MSL1: variants seen among roughly 807,000 people sequenced by gnomAD.
MSL1 encodes male-specific lethal 1 homolog.
In MSL1, 21 loss-of-function variants were observed where a neutral mutation model predicts 64.6. That is an observed-to-expected ratio of 0.33 (90% CI 0.23 to 0.47). The LOEUF is 0.47. Ranked by LOEUF, MSL1 falls within the 20% of genes least tolerant of loss-of-function variation. The pLI, the probability that MSL1 is intolerant of heterozygous loss-of-function variation, is 1.00. For missense variants in MSL1, 664 were observed against 793.2 expected, an observed-to-expected ratio of 0.84 and a Z score of 1.96; for synonymous variants, 339 against 329.6, an observed-to-expected ratio of 1.03 and a Z score of -0.31.
rs770079269 is a variant in MSL1, at chr17:40,123,385, G to C, written c.768+5G>C. On this transcript the variant is annotated splice_donor_5th_base_variant and intron_variant, in intron 1 of 8. Coordinates refer to ENST00000398532, the MANE Select transcript of MSL1 (RefSeq NM_001365919.1). ...CTGAAGTCAGAGAGAGACACGGTAC[G>C]GGAGGGGTTAATCTGCATTCGGGCC... is the stretch of plus-strand genomic sequence containing the variant. The C allele has an allele frequency of 8.5e-6, 13 of 1,535,670 alleles. No individual in the cohort carries two copies. The highest frequency in any genetic ancestry group is 4.9e-5 in the East Asian group (2 of 40,932).
intron 3 of MSL1, 47 bp downstream of exon 3, chr17:40,129,674 A>C: frequency 6.7e-7 from 1 of 1,484,060 alleles, no homozygotes; most frequent in South Asian, 1.4e-5. Flanking sequence ...GGTGGCGGTC[A>C]AGCTAACAAG....
chr17:40,131,657 C>T lies in MSL1; in HGVS notation c.1423+73C>T. ...TGGGATGGTGGATGGTTGGGAGCTG[C>T]ATTCCCCATCCACTGGATGTGGGAG... On this transcript the variant is annotated intron_variant, in intron 4 of 8. Transcript: ENST00000398532. This position sits in a 1 kb window ranked among gnomAD's most constrained non-coding sequence, Gnocchi z 4.5. 7.7e-7 allele frequency: 1 copy of T among 1,302,208 alleles called. No homozygotes were observed. The highest frequency in any genetic ancestry group is 1.1e-6 in the Non-Finnish European group (1 of 896,056). The allele number at this position is 1,302,208 out of a possible 1,614,324, so 80.7% of individuals were successfully genotyped here.
chr17:40,129,387 C>T lies in MSL1; in HGVS notation c.1135C>T (p.Arg379Cys). 1 of 1,613,738 alleles carries T rather than the reference C, an allele frequency of 6.2e-7. No homozygotes were observed. Among genetic ancestry groups the T allele is most frequent in the South Asian group, 1.1e-5 (1 of 91,056 alleles). Reference sequence around the variant, plus strand: ...TTCCTTATCTGAAACTGTTTGTAAACGTGAATTGAGGAGCCAAGAAACCCC... The same window carrying T: ...TTCCTTATCTGAAACTGTTTGTAAATGTGAATTGAGGAGCCAAGAAACCCC... Reference protein sequence around the residue: ...CGSLSETVCKRELRSQETPEK... With the variant: ...CGSLSETVCKCELRSQETPEK... The change falls in exon 3 of 9, where the codon CGT becomes TGT. Residue 379 changes from arginine to cysteine, a missense_variant. Physicochemically the swap from Arg to Cys is radical, Grantham distance 180. Transcript: ENST00000398532.
At chr17:40,127,243 T>G (rs1988338834) in intron 2 of MSL1, among the ~76,000 whole-genome samples, 1 of 151,152 alleles carries the variant, frequency 6.6e-6, no homozygotes, top group Non-Finnish European at 1.5e-5. Context: ...GGTATGCACC[T>G]GTAGTCCCAG....
chr17:40,128,445 G>C (rs1988370866), intron 2 of MSL1, among the ~76,000 whole-genome samples: 1 of 144,362 alleles, frequency 6.9e-6, no homozygotes, highest in Non-Finnish European at 1.5e-5. Context: ...CGTGATCTCA[G>C]CTCACTGCAA....
Position 40,122,635 on chromosome 17 carries a change from T to G in MSL1, c.23T>G (p.Phe8Cys). The change falls in exon 1 of 9, where the codon TTC (phenylalanine) becomes TGC (cysteine). Residue 8 changes from phenylalanine (F) to cysteine (C), a missense_variant. Physicochemically the swap from Phe to Cys is radical, Grantham distance 205 (BLOSUM62 -2). Coordinates refer to ENST00000398532, the MANE Select transcript of MSL1 (RefSeq NM_001365919.1). The surrounding 1 kb of genome is among the most constrained non-coding windows in gnomAD (Gnocchi z 4.2). MTMRSAVFKAAAAPAGGN... is the reference protein window; with the variant it reads MTMRSAVCKAAAAPAGGN... ...ACTATGACCATGAGATCCGCGGTGT[T>G]CAAGGCGGCCGCGGCCCCTGCCGGC... The G allele has an allele frequency of 6.7e-7, 1 of 1,488,938 alleles. No individual in the cohort carries two copies. The highest frequency in any genetic ancestry group is 2.9e-5 in the East Asian group (1 of 34,546). The allele number at this position is 1,488,938 out of a possible 1,614,324, so 92.2% of individuals were successfully genotyped here. A position where few individuals can be genotyped will look rare whatever the true frequency, so the allele number is the denominator to read the frequency against.
chr17:40,131,409 C>G lies in MSL1; in HGVS notation c.1376-128C>G. 2.6e-6 allele frequency: 2 copies of G among 766,448 alleles called. No homozygotes were observed. Among genetic ancestry groups the G allele is most frequent in the Non-Finnish European group, 4.4e-6 (2 of 456,072 alleles). The allele number at this position is 766,448 out of a possible 1,614,324, so 47.5% of individuals were successfully genotyped here. A position where few individuals can be genotyped will look rare whatever the true frequency, so the allele number is the denominator to read the frequency against. On this transcript the variant is annotated intron_variant, in intron 3 of 8. Coordinates refer to ENST00000398532, the MANE Select transcript of MSL1 (RefSeq NM_001365919.1). The surrounding 1 kb of genome is among the most constrained non-coding windows in gnomAD (Gnocchi z 4.5). Reference sequence around the variant, plus strand: ...TTCCCCTCCCCCAGAGAGAAATTCTCAAAAGAACAACTCAAAAAACAAAAT... The same window carrying G: ...TTCCCCTCCCCCAGAGAGAAATTCTGAAAAGAACAACTCAAAAAACAAAAT...
intron 2 of MSL1, 58 bp downstream of exon 2, chr17:40,126,464 A>G: frequency 3.4e-6 from 5 of 1,467,684 alleles, no homozygotes; most frequent in Admixed American, 3.5e-5. Flanking sequence ...AGAGTAGGAG[A>G]TTGGGATTTA....
Position 40,122,227 on chromosome 17 carries a change from CCGGGGCGGGGAAGGGGGGGTG to C in MSL1, c.-380_-360del, listed in dbSNP as rs1217874722. 1 of 93,062 alleles carries C rather than the reference CCGGGGCGGGGAAGGGGGGGTG, an allele frequency of 1.1e-5. No individual in the cohort carries two copies. Among genetic ancestry groups the C allele is most frequent in the Non-Finnish European group, 2.2e-5 (1 of 44,492 alleles). 5.8% of individuals were successfully genotyped at this position (93,062 alleles called of 1,614,324 possible). On this transcript the variant is annotated 5_prime_UTR_variant, in exon 1 of 9. Coordinates refer to ENST00000398532, the MANE Select transcript of MSL1 (RefSeq NM_001365919.1). The surrounding 1 kb of genome is among the most constrained non-coding windows in gnomAD (Gnocchi z 4.2). The stretch of plus-strand genomic sequence containing the variant: ...TTGAGGCGAGCTCCGGGGCGGGGGG[CCGGGGCGGGGAAGGGGGGGTG>C]CGGGGTGGGGAGACGAGGCGGGCCC...
At chr17:40,125,585 G>A (rs1028939242) in intron 1 of MSL1, among the ~76,000 whole-genome samples, 13 of 152,208 alleles carry the variant, frequency 8.5e-5, no homozygotes, top group African/African-American at 3.1e-4. Flanking sequence ...GGCCTACGCA[G>A]GTGGACCACG....
chr17:40,134,570 T>C lies in MSL1; in HGVS notation c.*201T>C, dbSNP rs536194813. 3.0e-4 allele frequency: 170 copies of C among 561,204 alleles called. No homozygotes were observed. The highest frequency in any genetic ancestry group is 1.8e-3 in the African/African-American group (94 of 53,092). 34.8% of individuals were successfully genotyped at this position (561,204 alleles called of 1,614,324 possible). A position where few individuals can be genotyped will look rare whatever the true frequency, so the allele number is the denominator to read the frequency against. ...GCTAATTGTGAGTTATGGAGGGTGATTGGGATTTCTTTTCCCTTTTTTGGG... is the reference window on the plus strand; with the variant it reads ...GCTAATTGTGAGTTATGGAGGGTGACTGGGATTTCTTTTCCCTTTTTTGGG... On this transcript the variant is annotated 3_prime_UTR_variant, in exon 9 of 9. Transcript: ENST00000398532.
chr17:40,126,642 A>G (rs1988323100), intron 2 of MSL1: 1 of 452,162 alleles, frequency 2.2e-6, no homozygotes, highest in East Asian at 4.0e-5. Flanking sequence ...CCCCGTCTCT[A>G]CTAAAAATAT....
At position 40,121,991 on chromosome 17, in the gene MSL1, CGGCTGCGGCGGT is replaced by C. The variant is rs1478139777; in HGVS notation, c.-618_-607del. ...CGCGCATGCGTCCTCCGGTTGGCGG[CGGCTGCGGCGGT>C]GGCGGCTACGAGCGGCTCCGTTTTT... On this transcript the variant is annotated 5_prime_UTR_variant, in exon 1 of 9. Coordinates refer to ENST00000398532, the MANE Select transcript of MSL1 (RefSeq NM_001365919.1). 6.6e-6 allele frequency among the ~76,000 whole-genome samples: 1 copy of C among 152,078 alleles called. No homozygotes were observed. Among genetic ancestry groups the C allele is most frequent in the Non-Finnish European group, 1.5e-5 (1 of 67,982 alleles).
rs200203194 is a variant in MSL1, at chr17:40,132,138, T to A, written c.1488+40T>A. The A allele has an allele frequency of 3.6e-6, 5 of 1,397,720 alleles. No homozygotes were observed. The African/African-American group carries it at 5.7e-5, about 16-fold the overall frequency. 86.6% of individuals were successfully genotyped at this position (1,397,720 alleles called of 1,614,324 possible). ...GCACTCAATTGAAGAGAGTAAGAGATTAAATAGAATGTGAGGGTATAACTG... is the reference window on the plus strand; with the variant it reads ...GCACTCAATTGAAGAGAGTAAGAGAATAAATAGAATGTGAGGGTATAACTG... On this transcript the variant is annotated intron_variant, in intron 5 of 8. Transcript: ENST00000398532.
At chr17:40,127,840 T>C (rs1235117943) in intron 2 of MSL1, among the ~76,000 whole-genome samples, 2 of 152,134 alleles carry the variant, frequency 1.3e-5, no homozygotes, top group African/African-American at 2.4e-5. Context: ...GAAAAAGAAG[T>C]ATAGCCGGGT....
chr17:40,126,486 T>C (rs1988318701), intron 2 of MSL1, 80 bp downstream of exon 2: 1 of 1,318,142 alleles, frequency 7.6e-7, no homozygotes, highest in Non-Finnish European at 1.1e-6. Flanking sequence ...GAATTGGTTT[T>C]ATAGCAATCA....
At chr17:40,130,080 G>C (rs1788640404) in intron 3 of MSL1, 1 of 153,742 alleles carries the variant, frequency 6.5e-6, no homozygotes, top group South Asian at 2.0e-4. Context: ...CCAGCTTGGG[G>C]TGGGGAATTT....
intron 5 of MSL1, among the ~76,000 whole-genome samples, chr17:40,132,681 T>C (rs1988463300): frequency 6.6e-6 from 1 of 152,176 alleles, no homozygotes; most frequent in Non-Finnish European, 1.5e-5. Flanking sequence ...TAAAATTACA[T>C]ATTCCAAGCT....
In MSL1 at chr17:40,126,425, T is replaced by G; in HGVS notation, c.992+19T>G. ...ATAAAAGGTGTGCTGATAACTTTGT[T>G]TGATGAGGACCCTTGTTACCAGTGA... On this transcript the variant is annotated intron_variant, in intron 2 of 8. Transcript: ENST00000398532. 6.2e-7 allele frequency: 1 copy of G among 1,600,254 alleles called. No homozygotes were observed. The highest frequency in any genetic ancestry group is 8.6e-7 in the Non-Finnish European group (1 of 1,167,770).
Sources: allele counts gnomAD v4.1 joint callset (sites outside exome capture counted in the v4.1 genomes callset), GRCh38; gene constraint gnomAD v4.1.1; non-coding constraint Gnocchi (gnomAD v3.1); transcripts MANE v1.5; gene names NCBI Gene and HGNC (gene_info 2026-07-23, HGNC 2026-07-21).